The following CDK14 variants were observed in gnomAD, a reference collection of about 807,000 sequenced individuals.
The protein encoded by CDK14 is cyclin dependent kinase 14, also known as cyclin-dependent kinase 14.
Under a neutral mutation model 60.7 loss-of-function variants are expected in CDK14, and 34 were observed. That is an observed-to-expected ratio of 0.56 (90% CI 0.43 to 0.75). The LOEUF is 0.75. Ranked by LOEUF, CDK14 falls within the 30% of genes least tolerant of loss-of-function variation. The probability of loss-of-function intolerance (pLI) is 0.00; values close to 1 mark genes in which losing one functional copy is unlikely to be tolerated. For missense variants in CDK14, 482 were observed against 564.1 expected (o/e 0.85, Z 1.47); for synonymous variants, 197 against 203.7 (o/e 0.97, Z 0.28).
intron 11 of CDK14, among the ~76,000 whole-genome samples, chr7:91,075,064 A>G (rs546203850): frequency 1.3e-3 from 204 of 152,344 alleles, no homozygotes; most frequent in African/African-American, 4.6e-3. Context: ...CCAGAGATAC[A>G]GAGAGGAGCT....
chr7:90,871,894 A>G (rs1486579359), intron 6 of CDK14, among the ~76,000 whole-genome samples: 1 of 152,192 alleles, frequency 6.6e-6, no homozygotes, highest in African/African-American at 2.4e-5. Context: ...ATAGCAAATG[A>G]TTGCCCAAGG....
chr7:91,206,030 G>A (rs779605800), intron 14 of CDK14, among the ~76,000 whole-genome samples: 12 of 152,098 alleles, frequency 7.9e-5, no homozygotes, highest in Admixed American at 6.6e-4. Flanking sequence ...TCCTGACCTC[G>A]TGATCTGCCC....
chr7:91,021,771 T>C (rs1796439526), intron 10 of CDK14, among the ~76,000 whole-genome samples: 1 of 152,214 alleles, frequency 6.6e-6, no homozygotes, highest in Non-Finnish European at 1.5e-5. Context: ...TAAATATTTC[T>C]TTGTAAGAAA....
chr7:90,905,371 C>A (rs1005462159), intron 7 of CDK14, among the ~76,000 whole-genome samples: 1 of 151,986 alleles, frequency 6.6e-6, no homozygotes, highest in Admixed American at 6.6e-5. Context: ...AACAAACTGA[C>A]AAACAAAAGA....
chr7:90,622,442 C>G (rs1799791329), intron 2 of CDK14, among the ~76,000 whole-genome samples: 1 of 152,208 alleles, frequency 6.6e-6, no homozygotes, highest in South Asian at 2.1e-4. Flanking sequence ...AACTGTCAAT[C>G]TAACGCGGTG....
intron 14 of CDK14, among the ~76,000 whole-genome samples, chr7:91,201,860 C>T (rs1802739293): frequency 6.6e-6 from 1 of 152,210 alleles, no homozygotes; most frequent in African/African-American, 2.4e-5. Context: ...TGCCTCAAAT[C>T]AGAAATGCAT....
At chr7:90,894,465 G>A (rs1443611502) in intron 6 of CDK14, among the ~76,000 whole-genome samples, 1 of 152,060 alleles carries the variant, frequency 6.6e-6, no homozygotes, top group Non-Finnish European at 1.5e-5. Context: ...AATTTTAAAG[G>A]TTTAGGAAAG....
intron 10 of CDK14, among the ~76,000 whole-genome samples, chr7:91,026,791 A>G (rs557993742): frequency 4.1e-4 from 63 of 152,302 alleles, no homozygotes; most frequent in Non-Finnish European, 8.2e-4. Context: ...ATAGTCATAT[A>G]TGGTGAGGCC....
At chr7:90,688,188 C>T (rs1474305605) in intron 2 of CDK14, among the ~76,000 whole-genome samples, 12 of 152,154 alleles carry the variant, frequency 7.9e-5, no homozygotes, top group Non-Finnish European at 1.2e-4. Context: ...ATTCCTATGA[C>T]CTGTTCCTAC....
intron 2 of CDK14, among the ~76,000 whole-genome samples, chr7:90,721,579 T>C (rs1293312776): frequency 6.6e-6 from 1 of 152,188 alleles, no homozygotes; most frequent in Non-Finnish European, 1.5e-5. Context: ...GCTGGATGTT[T>C]CCTGGCTCTT....
intron 2 of CDK14, chr7:90,709,591 C>T: frequency 6.2e-7 from 1 of 1,613,008 alleles, no homozygotes; most frequent in Non-Finnish European, 8.5e-7. Flanking sequence ...GGTTACTCTG[C>T]CTTCGTGGGA....
At chr7:91,059,515 C>A (rs1466567659) in intron 11 of CDK14, among the ~76,000 whole-genome samples, 3 of 152,026 alleles carry the variant, frequency 2.0e-5, no homozygotes, top group Non-Finnish European at 1.5e-5. Flanking sequence ...AATTTTAGAT[C>A]TTTCCTACTT....
chr7:90,623,908 G>A lies in CDK14; in HGVS notation c.123+19659G>A, dbSNP rs190488128. The stretch of plus-strand genomic sequence containing the variant: ...TGTGGGATTAGAGGCACAGACTGCT[G>A]TCTTCCTCTTTGTCATCATCAGAAG... On this transcript the variant is annotated intron_variant, in intron 2 of 14. Transcript: ENST00000380050. Among the ~76,000 whole-genome samples the A allele has an allele frequency of 3.9e-5, 6 of 152,306 alleles. No homozygotes were observed. The East Asian group carries it at 1.2e-3, about 29-fold the overall frequency.
intron 2 of CDK14, among the ~76,000 whole-genome samples, chr7:90,694,541 T>C (rs1026300546): frequency 3.9e-5 from 6 of 152,210 alleles, no homozygotes; most frequent in Non-Finnish European, 8.8e-5. Flanking sequence ...ATTTGAAGTT[T>C]GTATTGGATA....
chr7:90,620,650 C>T (rs567100669), intron 2 of CDK14, among the ~76,000 whole-genome samples: 13 of 152,152 alleles, frequency 8.5e-5, no homozygotes, highest in East Asian at 3.9e-4. Flanking sequence ...GGTCTTGGCA[C>T]GGAGCAGGCA....
intron 5 of CDK14, among the ~76,000 whole-genome samples, chr7:90,797,856 C>T (rs779160290): frequency 7.2e-5 from 11 of 151,904 alleles, no homozygotes; most frequent in Non-Finnish European, 1.0e-4. Flanking sequence ...GGTGTTAAAC[C>T]ATGATAAACC....
At chr7:90,941,453 TTGTC>T (rs1009665906) in intron 8 of CDK14, among the ~76,000 whole-genome samples, 2 of 152,062 alleles carry the variant, frequency 1.3e-5, no homozygotes, top group South Asian at 2.1e-4. Context: ...TTTAGTTTGT[TTGTC>T]TGTCTGTTTT....
intron 2 of CDK14, chr7:90,631,906 A>G (rs1800005885): frequency 6.6e-6 from 1 of 152,266 alleles, no homozygotes; most frequent in Admixed American, 6.5e-5. Flanking sequence ...CATGGCTGCC[A>G]TGTTGCAGCA....
At chr7:90,783,929 A>T (rs112457410) in intron 4 of CDK14, among the ~76,000 whole-genome samples, 1,956 of 152,240 alleles carry the variant, frequency 0.013, 59 homozygotes, top group African/African-American at 0.045. Flanking sequence ...GGGTGTATCT[A>T]TCCAAAGGAA....
Sources: allele counts gnomAD v4.1 joint callset (sites outside exome capture counted in the v4.1 genomes callset), GRCh38; gene constraint gnomAD v4.1.1; transcripts MANE v1.5; gene names NCBI Gene and HGNC (gene_info 2026-07-23, HGNC 2026-07-21).